Variants in CTTNBP2NL observed in about 807,000 individuals in gnomAD.
CTTNBP2NL encodes CTTNBP2 N-terminal like.
CTTNBP2NL carries 16 observed loss-of-function variants against 32.5 expected under a neutral mutation model. That is an observed-to-expected ratio of 0.49 (90% CI 0.33 to 0.75). The LOEUF is 0.75. Ranked by LOEUF, CTTNBP2NL falls within the 30% of genes least tolerant of loss-of-function variation. The pLI is 0.02. For missense variants in CTTNBP2NL, 645 were observed against 756.0 expected, an observed-to-expected ratio of 0.85 and a Z score of 1.72; for synonymous variants, 298 against 289.4, an observed-to-expected ratio of 1.03 and a Z score of -0.30.
intron 3 of CTTNBP2NL, among the ~76,000 whole-genome samples, chr1:112,425,956 C>CGTGTGTGTGTGT (rs376135147): frequency 2.0e-4 from 24 of 119,762 alleles, no homozygotes; most frequent in Admixed American, 4.6e-4. Context: ...ATCTGGATGC[C>CGTGTGTGTGTGT]GTGTGTGTGT....
intron 3 of CTTNBP2NL, among the ~76,000 whole-genome samples, chr1:112,421,304 T>TCTTTC (rs1164472730): frequency 2.4e-5 from 3 of 124,366 alleles, no homozygotes; most frequent in African/African-American, 9.0e-5. Context: ...GACCCCCATT[T>TCTTTC]CTTTTCTTTT....
intron 1 of CTTNBP2NL, among the ~76,000 whole-genome samples, chr1:112,411,762 A>T (rs1557885972): frequency 6.6e-6 from 1 of 151,592 alleles, no homozygotes; most frequent in South Asian, 2.1e-4. Context: ...GGCTCACTAC[A>T]AGCTCCACCT....
intron 3 of CTTNBP2NL, among the ~76,000 whole-genome samples, chr1:112,425,999 G>GTA (rs766697367): frequency 8.3e-6 from 1 of 121,162 alleles, no homozygotes; most frequent in African/African-American, 2.8e-5. Context: ...GTGTGTGTGT[G>GTA]TGTGTCTGTC....
At chr1:112,454,706 G>T in intron 5 of CTTNBP2NL, 150 bp downstream of exon 5, 1 of 651,884 alleles carries the variant, frequency 1.5e-6, no homozygotes, top group South Asian at 2.0e-5. Flanking sequence ...AGTTAAACAG[G>T]TTTCTAACTT....
chr1:112,399,318 C>CAAA (rs72332884), intron 1 of CTTNBP2NL, among the ~76,000 whole-genome samples: 22,673 of 77,512 alleles, frequency 0.29, 3,288 homozygotes, highest in East Asian at 0.57. Flanking sequence ...GACTCTGTCT[C>CAAA]AAAAAAAAAA....
intron 3 of CTTNBP2NL, among the ~76,000 whole-genome samples, chr1:112,446,081 T>C (rs1316281336): frequency 6.6e-6 from 1 of 152,076 alleles, no homozygotes; most frequent in Non-Finnish European, 1.5e-5. Context: ...ATGGCTATCA[T>C]GAATAAGAAA....
intron 3 of CTTNBP2NL, among the ~76,000 whole-genome samples, chr1:112,423,966 AC>A (rs1434397848): frequency 6.6e-6 from 1 of 151,310 alleles, no homozygotes; most frequent in East Asian, 1.9e-4. Context: ...CAGGTGACCC[AC>A]TCGCCTCAGC....
At chr1:112,404,787 C>G (rs1230361199) in intron 1 of CTTNBP2NL, among the ~76,000 whole-genome samples, 1 of 152,212 alleles carries the variant, frequency 6.6e-6, no homozygotes, top group Non-Finnish European at 1.5e-5. Context: ...TGCAGTGGCT[C>G]ACGCCTGTAA....
chr1:112,415,551 C>CT (rs1160448277), intron 2 of CTTNBP2NL, among the ~76,000 whole-genome samples: 46 of 128,812 alleles, frequency 3.6e-4, no homozygotes, highest in African/African-American at 1.2e-3. Context: ...TTCTTGTTTG[C>CT]TTTTTTTTTG....
chr1:112,454,373 T>C (rs1650307229), intron 4 of CTTNBP2NL, 76 bp from the exon 5 acceptor site: 2 of 1,071,224 alleles, frequency 1.9e-6, no homozygotes, highest in Non-Finnish European at 2.8e-6. Flanking sequence ...GTGCCTGATT[T>C]GGCACTTATT....
chr1:112,416,548 A>T (rs1570722244), intron 3 of CTTNBP2NL, among the ~76,000 whole-genome samples: 1 of 149,596 alleles, frequency 6.7e-6, no homozygotes, highest in East Asian at 2.0e-4. Flanking sequence ...GCCAGGCTGG[A>T]GTGCAGTGGC....
intron 1 of CTTNBP2NL, among the ~76,000 whole-genome samples, chr1:112,398,807 T>C (rs560724232): frequency 2.1e-3 from 264 of 128,416 alleles, no homozygotes; most frequent in Non-Finnish European, 3.2e-3. Context: ...AAAGAGACCC[T>C]GTCTCTTAAC....
chr1:112,458,662 A>C lies in CTTNBP2NL; in HGVS notation c.*1250A>C, dbSNP rs1462986056. The C allele has an allele frequency of 2.0e-5, 3 of 152,138 alleles. No homozygotes were observed. The highest frequency in any genetic ancestry group is 7.2e-5 in the African/African-American group (3 of 41,406). The allele number at this position is 152,138 out of a possible 1,614,324, so 9.4% of individuals were successfully genotyped here. ...TGAGGAAATTCCAAATGAAGCCTAG[A>C]TCTTCAGTATCATAAAAAGGCAGAG... is the stretch of plus-strand genomic sequence containing the variant. On this transcript the variant is annotated 3_prime_UTR_variant, in exon 6 of 6. Transcript: ENST00000271277.
chr1:112,452,786 C>T (rs2101033185), intron 4 of CTTNBP2NL, among the ~76,000 whole-genome samples: 1 of 151,824 alleles, frequency 6.6e-6, no homozygotes, highest in South Asian at 2.1e-4. Flanking sequence ...GGACTACATG[C>T]ACACCTCACC....
At position 112,456,255 on chromosome 1, in the gene CTTNBP2NL, C is replaced by G; in HGVS notation, c.763C>G (p.Arg255Gly). Reference protein sequence around the residue: ...EREQLRAKLNREENRTKTLKE... With the variant: ...EREQLRAKLNGEENRTKTLKE... ...GGAACAACTGAGAGCAAAACTGAAC[C>G]GAGAAGAGAACCGGACCAAAACCCT... The change falls in exon 6 of 6, where the codon CGA becomes GGA. Residue 255 changes from arginine (R) to glycine (G), a missense_variant. By Grantham distance (125) the Arg-to-Gly change is moderately radical. Coordinates refer to ENST00000271277, the MANE Select transcript of CTTNBP2NL (RefSeq NM_018704.3). The G allele has an allele frequency of 6.2e-7, 1 of 1,613,910 alleles. No homozygotes were observed. Among genetic ancestry groups the G allele is most frequent in the Non-Finnish European group, 8.5e-7 (1 of 1,179,988 alleles).
chr1:112,400,966 CAAAAAAAAAAAAA>C (rs56784970), intron 1 of CTTNBP2NL, among the ~76,000 whole-genome samples: 43,512 of 104,906 alleles, frequency 0.41, 7,296 homozygotes, highest in East Asian at 0.54. Flanking sequence ...ACTCTGTCAC[CAAAAAAAAAAAAA>C]AAAAAAAAAA....
chr1:112,427,110 AT>A (rs1343533519), intron 3 of CTTNBP2NL, among the ~76,000 whole-genome samples: 1 of 152,216 alleles, frequency 6.6e-6, no homozygotes, highest in Admixed American at 6.5e-5. Context: ...ATAGAATATT[AT>A]TACCCCTTTC....
chr1:112,457,348 G>T lies in CTTNBP2NL; in HGVS notation c.1856G>T (p.Cys619Phe), dbSNP rs367999455. 11 of 1,614,070 alleles carry T rather than the reference G, an allele frequency of 6.8e-6. No individual in the cohort carries two copies. The highest frequency in any genetic ancestry group is 2.7e-5 in the African/African-American group (2 of 74,930). The part of the protein sequence containing the change: ...LTTAEDLASS[C>F]SSNTVVANGK... Reference sequence around the variant, plus strand: ...ACTGCAGAAGACCTTGCCAGCAGCTGCTCTTCCAATACTGTTGTAGCAAAT... The same window carrying T: ...ACTGCAGAAGACCTTGCCAGCAGCTTCTCTTCCAATACTGTTGTAGCAAAT... The change falls in exon 6 of 6, where the codon TGC becomes TTC. Residue 619 changes from cysteine (C) to phenylalanine (F), a missense_variant. By Grantham distance (205) the Cys-to-Phe change is radical. Transcript: ENST00000271277.
rs985626915 is a variant in CTTNBP2NL at position 112,460,017 on chromosome 1, G to T, written c.*2605G>T. The T allele has an allele frequency of 6.6e-6, 1 of 152,164 alleles. No homozygotes were observed. The highest frequency in any genetic ancestry group is 1.9e-4 in the East Asian group (1 of 5,202). 9.4% of individuals were successfully genotyped at this position (152,164 alleles called of 1,614,324 possible). ...GTATTATAGATTAGTATTTAAGTTT[G>T]CTGTAGATTGTGTGTGTGTGTGCTA... On this transcript the variant is annotated 3_prime_UTR_variant, in exon 6 of 6. Coordinates refer to ENST00000271277, the MANE Select transcript of CTTNBP2NL (RefSeq NM_018704.3).
Sources: allele counts gnomAD v4.1 joint callset (sites outside exome capture counted in the v4.1 genomes callset), GRCh38; gene constraint gnomAD v4.1.1; transcripts MANE v1.5; gene names NCBI Gene and HGNC (gene_info 2026-07-23, HGNC 2026-07-21).